The following FARP1 variants were observed in gnomAD, a reference collection of about 807,000 sequenced individuals.
FARP1 encodes FERM, ARHGEF and pleckstrin domain-containing protein 1.
In FARP1, 52 loss-of-function variants were observed where a neutral mutation model predicts 128.8. The observed-to-expected ratio is 0.40, with a 90% CI of 0.32 to 0.51. The LOEUF is 0.51. Among genes scored for constraint, FARP1 ranks in the 20% least tolerant of loss-of-function variants. The pLI is 0.45. For synonymous variants in FARP1, 580 were observed against 551.8 expected (o/e 1.05, Z -0.72); for missense variants, 1,333 against 1,367.9 (o/e 0.97, Z 0.40).
At chr13:98,300,405 G>A (rs866293245) in intron 2 of FARP1, among the ~76,000 whole-genome samples, 4 of 152,192 alleles carry the variant, frequency 2.6e-5, no homozygotes, top group South Asian at 2.1e-4. Flanking sequence ...CGTTCTAACC[G>A]GCAGTGAAGA....
intron 2 of FARP1, among the ~76,000 whole-genome samples, chr13:98,338,234 G>A (rs1346477702): frequency 6.6e-6 from 1 of 152,140 alleles, no homozygotes; most frequent in Non-Finnish European, 1.5e-5. Flanking sequence ...ATCGTTGTGT[G>A]ATTATCACCA....
chr13:98,453,164 A>T lies in FARP1; in HGVS notation c.*4847A>T. 1 of 1,613,808 alleles carries T rather than the reference A, an allele frequency of 6.2e-7. No homozygotes were observed. On this transcript the variant is annotated 3_prime_UTR_variant, in exon 27 of 27. Coordinates refer to ENST00000319562, the MANE Select transcript of FARP1 (RefSeq NM_005766.4). Reference sequence around the variant, plus strand: ...AAGGAAAAACAAAACCCCAAATGCCAAAGGAATTTCAGTGGGATGAAGTTC... The same window carrying T: ...AAGGAAAAACAAAACCCCAAATGCCTAAGGAATTTCAGTGGGATGAAGTTC...
chr13:98,447,024 C>T, intron 26 of FARP1: 1 of 560,928 alleles, frequency 1.8e-6, no homozygotes, highest in South Asian at 2.1e-5. Flanking sequence ...CGCCCTTACC[C>T]TGCACGGTGT....
In FARP1 at chr13:98,446,732, A is replaced by G. The variant is rs138316496; in HGVS notation, c.2971A>G (p.Asn991Asp). 1.2e-6 allele frequency: 2 copies of G among 1,614,176 alleles called. No individual in the cohort carries two copies. Among genetic ancestry groups the G allele is most frequent in the Non-Finnish European group, 1.7e-6 (2 of 1,180,026 alleles). The change falls in exon 26 of 27, where the codon AAC becomes GAC. Residue 991 changes from asparagine to aspartate, a missense_variant. This residue lies in a region of FARP1 where 1,009 missense variants were observed against 969.8 expected (regional missense o/e 1.04). Transcript: ENST00000319562. ...YSLTIPSESENIQKDYVFKLH... is the reference protein window; with the variant it reads ...YSLTIPSESEDIQKDYVFKLH... ...GCTCACCATCCCCTCTGAGTCCGAG[A>G]ACATCCAGAAAGACTACGTGTTCAA...
chr13:98,368,878 T>C (rs529842382), intron 5 of FARP1, among the ~76,000 whole-genome samples: 13 of 151,926 alleles, frequency 8.6e-5, no homozygotes, highest in Non-Finnish European at 1.6e-4. Flanking sequence ...ATCATCACCA[T>C]CGTCATTATC....
At chr13:98,173,608 C>T (rs771636143) in intron 1 of FARP1, among the ~76,000 whole-genome samples, 3 of 152,172 alleles carry the variant, frequency 2.0e-5, no homozygotes, top group Non-Finnish European at 2.9e-5. Flanking sequence ...TTTGGTTTTG[C>T]CAGATTTTTC....
intron 13 of FARP1, chr13:98,407,607 TA>T: frequency 6.6e-6 from 1 of 152,296 alleles, no homozygotes; most frequent in East Asian, 1.9e-4. Flanking sequence ...CATGAGGATT[TA>T]AAAGCAGAGG....
intron 1 of FARP1, among the ~76,000 whole-genome samples, chr13:98,165,710 GTTTTTTTTTTTTTTTTTTT>G (rs71111927): frequency 3.0e-4 from 22 of 74,130 alleles, no homozygotes; most frequent in East Asian, 9.1e-4. Context: ...TCCAGAAGGG[GTTTTTTTTTTTTTTTTTTT>G]TTTTTTTTTT....
intron 2 of FARP1, among the ~76,000 whole-genome samples, chr13:98,275,365 G>GAT (rs1491020643): frequency 1.6e-5 from 2 of 126,974 alleles, no homozygotes. Flanking sequence ...GAGAGAGAGA[G>GAT]ATAATATTTA....
At chr13:98,253,641 T>C (rs7984811) in intron 2 of FARP1, among the ~76,000 whole-genome samples, 119,732 of 151,926 alleles carry the variant, frequency 0.79, 48,386 homozygotes, top group South Asian at 0.91. Flanking sequence ...AAGTGTAGAC[T>C]GCTGTGGGCT....
chr13:98,389,585 G>A (rs16955467), intron 9 of FARP1: 2,440 of 171,480 alleles, frequency 0.014, 56 homozygotes, highest in African/African-American at 0.055. Context: ...TGAACGTTGC[G>A]TTTCAGTGAT....
chr13:98,281,127 G>A (rs928546391), intron 2 of FARP1, among the ~76,000 whole-genome samples: 3 of 152,192 alleles, frequency 2.0e-5, no homozygotes, highest in African/African-American at 7.2e-5. Context: ...AGGCCGAGGT[G>A]GGCAGATCAT....
intron 24 of FARP1, among the ~76,000 whole-genome samples, chr13:98,444,001 G>A (rs1282172413): frequency 2.0e-5 from 3 of 152,120 alleles, no homozygotes; most frequent in African/African-American, 2.4e-5. Flanking sequence ...CCCACAGTGC[G>A]GGAAGCCGGA....
chr13:98,403,497 G>C (rs1470209613), intron 13 of FARP1: 1 of 152,196 alleles, frequency 6.6e-6, no homozygotes, highest in Non-Finnish European at 1.5e-5. Flanking sequence ...ATCTGTAAGA[G>C]AATTTAGCTT....
intron 17 of FARP1, among the ~76,000 whole-genome samples, chr13:98,427,553 G>A (rs1319796253): frequency 6.6e-6 from 1 of 152,172 alleles, no homozygotes; most frequent in East Asian, 1.9e-4. Context: ...CCACCCGCGG[G>A]GACAGTCCCC....
chr13:98,158,726 T>G (rs1022067867), intron 1 of FARP1, among the ~76,000 whole-genome samples: 1 of 152,188 alleles, frequency 6.6e-6, no homozygotes, highest in African/African-American at 2.4e-5. Flanking sequence ...CTCAGGATTA[T>G]AGGCAATTTA....
At chr13:98,339,438 TC>T (rs1887872946) in intron 2 of FARP1, among the ~76,000 whole-genome samples, 1 of 152,020 alleles carries the variant, frequency 6.6e-6, no homozygotes, top group African/African-American at 2.4e-5. Context: ...ACCAGGTCCT[TC>T]CCCCAACATT....
At chr13:98,326,339 CA>C (rs1594405458) in intron 2 of FARP1, among the ~76,000 whole-genome samples, 2 of 152,080 alleles carry the variant, frequency 1.3e-5, no homozygotes, top group East Asian at 3.9e-4. Flanking sequence ...TAAAATTTAC[CA>C]CCTTCATCGT....
At chr13:98,366,078 C>G (rs1234231016) in intron 4 of FARP1, among the ~76,000 whole-genome samples, 3 of 152,120 alleles carry the variant, frequency 2.0e-5, no homozygotes, top group Non-Finnish European at 4.4e-5. Flanking sequence ...ATGCTTTGAG[C>G]TAAAATTCAG....
Sources: allele counts gnomAD v4.1 joint callset (sites outside exome capture counted in the v4.1 genomes callset), GRCh38; gene constraint gnomAD v4.1.1; regional missense constraint gnomAD v4.1.1; transcripts MANE v1.5; gene names NCBI Gene and HGNC (gene_info 2026-07-23, HGNC 2026-07-21).